ADAMTSL3: variants seen among roughly 807,000 people sequenced by gnomAD.
ADAMTSL3 encodes the protein ADAMTS-like protein 3.
Under a neutral mutation model 201.7 loss-of-function variants are expected in ADAMTSL3, and 128 were observed. That is an observed-to-expected ratio of 0.63 (90% CI 0.55 to 0.73). The LOEUF (loss-of-function observed/expected upper bound fraction) is 0.73, where lower values mean the gene tolerates loss of function less well. Ranked by LOEUF, ADAMTSL3 falls within the 30% of genes least tolerant of loss-of-function variation. ADAMTSL3 has a pLI of 0.00. For missense variants in ADAMTSL3, 1,990 were observed against 2,119.6 expected, an observed-to-expected ratio of 0.94 and a Z score of 1.20; for synonymous variants, 738 against 748.4, an observed-to-expected ratio of 0.99 and a Z score of 0.23.
At chr15:83,968,996 C>T (rs1272471476) in intron 19 of ADAMTSL3, among the ~76,000 whole-genome samples, 1 of 151,964 alleles carries the variant, frequency 6.6e-6, no homozygotes. Context: ...CACACTGGGG[C>T]CTGTCAGGGG....
intron 3 of ADAMTSL3, among the ~76,000 whole-genome samples, chr15:83,751,413 G>T (rs1490546070): frequency 1.3e-5 from 2 of 152,162 alleles, no homozygotes; most frequent in Non-Finnish European, 2.9e-5. Context: ...ATGATAGGGG[G>T]ATGGACATAA....
At chr15:83,743,374 G>A (rs71395422) in intron 3 of ADAMTSL3, among the ~76,000 whole-genome samples, 16 of 151,834 alleles carry the variant, frequency 1.1e-4, no homozygotes, top group East Asian at 3.9e-4. Flanking sequence ...TTAGCCGGGC[G>A]CGGTGGCGGG....
At chr15:83,973,530 C>T (rs375404741) in intron 20 of ADAMTSL3, among the ~76,000 whole-genome samples, 20 of 152,206 alleles carry the variant, frequency 1.3e-4, no homozygotes, top group South Asian at 1.2e-3. Context: ...ATAATATCAC[C>T]GTGCTAATTT....
intron 23 of ADAMTSL3, among the ~76,000 whole-genome samples, chr15:84,002,194 G>C (rs1486345760): frequency 1.3e-5 from 2 of 152,098 alleles, no homozygotes. Flanking sequence ...AAGTTAGCTG[G>C]ATATGCAATA....
chr15:83,780,181 G>A (rs577775941), intron 4 of ADAMTSL3, among the ~76,000 whole-genome samples: 8 of 152,116 alleles, frequency 5.3e-5, no homozygotes, highest in South Asian at 2.1e-4. Flanking sequence ...AGGCTGAGGC[G>A]GGTGGATCCC....
At chr15:83,770,382 C>G (rs964955767) in intron 3 of ADAMTSL3, among the ~76,000 whole-genome samples, 1 of 152,188 alleles carries the variant, frequency 6.6e-6, no homozygotes, top group African/African-American at 2.4e-5. Context: ...CAACAACATT[C>G]GTTCCTAGTC....
In ADAMTSL3 at chr15:83,897,082, T is replaced by C. The variant is rs12899799; in HGVS notation, c.1468-776T>C. 3.3e-3 allele frequency among the ~76,000 whole-genome samples: 498 copies of C among 152,242 alleles called. 1 individual carries two copies. Among genetic ancestry groups the C allele is most frequent in the Non-Finnish European group, 5.4e-3 (370 of 68,020 alleles). On this transcript the variant is annotated intron_variant, in intron 13 of 29. Transcript: ENST00000286744. The stretch of plus-strand genomic sequence containing the variant: ...CAAGTGGGGATTATGGGGATTACAA[T>C]TCAAGATGAGATTTGGGTGGGGACA...
At chr15:83,920,067 G>GAT (rs1311818751) in intron 16 of ADAMTSL3, among the ~76,000 whole-genome samples, 6 of 152,216 alleles carry the variant, frequency 3.9e-5, no homozygotes, top group South Asian at 4.1e-4. Context: ...TTTAATTTAA[G>GAT]ATATATATAT....
chr15:83,894,858 AAC>A (rs2065581019), intron 13 of ADAMTSL3, among the ~76,000 whole-genome samples: 2 of 152,130 alleles, frequency 1.3e-5, no homozygotes, highest in Non-Finnish European at 2.9e-5. Flanking sequence ...AAATAAGAAT[AAC>A]ACATAAAAAT....
At chr15:83,969,321 G>A (rs1442766563) in intron 19 of ADAMTSL3, among the ~76,000 whole-genome samples, 6 of 152,092 alleles carry the variant, frequency 3.9e-5, no homozygotes, top group Non-Finnish European at 7.3e-5. Flanking sequence ...GTGGGCGCCT[G>A]AAATCCCAGC....
Position 83,908,890 on chromosome 15 carries a change from C to G in ADAMTSL3, c.1701-4202C>G, listed in dbSNP as rs576639899. Among the ~76,000 whole-genome samples the G allele has an allele frequency of 2.0e-5, 3 of 152,328 alleles. No homozygotes were observed. In the East Asian group the frequency reaches 5.8e-4, roughly 29 times the overall value. On this transcript the variant is annotated intron_variant, in intron 15 of 29. Transcript: ENST00000286744. ...ATCAAGGTGTCTGTCAGTCTGAAGT[C>G]TTCTTTGGCAAGAGTCTGCTTCCAG...
chr15:83,983,646 A>T (rs1359007073), intron 21 of ADAMTSL3, among the ~76,000 whole-genome samples: 1 of 152,210 alleles, frequency 6.6e-6, no homozygotes, highest in Non-Finnish European at 1.5e-5. Context: ...AATAAAATCA[A>T]TATAAGGCCA....
At chr15:83,820,072 C>G (rs2063837155) in intron 6 of ADAMTSL3, 25 bp downstream of exon 6, 2 of 1,587,422 alleles carry the variant, frequency 1.3e-6, no homozygotes, top group African/African-American at 2.7e-5. Context: ...CTCCCAATCC[C>G]CTGCTTTGGG....
At chr15:83,656,951 T>C (rs2061093987) in intron 2 of ADAMTSL3, among the ~76,000 whole-genome samples, 1 of 152,242 alleles carries the variant, frequency 6.6e-6, no homozygotes, top group South Asian at 2.1e-4. Flanking sequence ...GTGAATTCTG[T>C]GATGCACAAA....
intron 22 of ADAMTSL3, 64 bp from the exon 23 acceptor site, chr15:83,991,022 A>C (rs574357384): frequency 1.9e-6 from 3 of 1,605,576 alleles, no homozygotes; most frequent in South Asian, 2.2e-5. Context: ...TACCAAATGC[A>C]ATATGTTTTA....
At chr15:83,662,944 T>G (rs1297371176) in intron 2 of ADAMTSL3, among the ~76,000 whole-genome samples, 2 of 152,068 alleles carry the variant, frequency 1.3e-5, no homozygotes, top group Non-Finnish European at 2.9e-5. Flanking sequence ...CAGATGTGAG[T>G]TCTTTGGAGG....
In ADAMTSL3 at chr15:83,713,352, C is replaced by T. The variant is rs140082209; in HGVS notation, c.189+8844C>T. ...CGACTGAATGTGTGTTTTTCTTAAACGAGTGCCAGATTTCTGTTCTGTTGT... is the reference window on the plus strand; with the variant it reads ...CGACTGAATGTGTGTTTTTCTTAAATGAGTGCCAGATTTCTGTTCTGTTGT... On this transcript the variant is annotated intron_variant, in intron 3 of 29. Coordinates refer to ENST00000286744, the MANE Select transcript of ADAMTSL3 (RefSeq NM_207517.3). Among the ~76,000 whole-genome samples the T allele has an allele frequency of 8.7e-3, 1,327 of 152,234 alleles. 20 individuals are homozygous for T. The highest frequency in any genetic ancestry group is 0.03 in the African/African-American group (1,252 of 41,536).
chr15:83,944,092 G>A (rs995570978), intron 19 of ADAMTSL3, among the ~76,000 whole-genome samples: 7 of 152,122 alleles, frequency 4.6e-5, no homozygotes, highest in Admixed American at 3.9e-4. Flanking sequence ...TACTCAGAAC[G>A]TCATGCAAAC....
chr15:83,919,531 C>T (rs770303012), intron 16 of ADAMTSL3, among the ~76,000 whole-genome samples: 1 of 151,810 alleles, frequency 6.6e-6, no homozygotes, highest in African/African-American at 2.4e-5. Flanking sequence ...GAGATGGAAA[C>T]CAGATTTGAA....
Sources: allele counts gnomAD v4.1 joint callset (sites outside exome capture counted in the v4.1 genomes callset), GRCh38; gene constraint gnomAD v4.1.1; transcripts MANE v1.5; gene names NCBI Gene and HGNC (gene_info 2026-07-23, HGNC 2026-07-21).